Variants in WDR72 observed in about 807,000 individuals in gnomAD.
The protein encoded by WDR72 is WD repeat domain 72, also known as WD repeat-containing protein 72.
A neutral mutation model predicts 124.2 loss-of-function variants in WDR72; 120 were observed. That is an observed-to-expected ratio of 0.97 (90% CI 0.83 to 1.12). WDR72 has a LOEUF of 1.12. Among genes scored for constraint, WDR72 ranks in the 50% most tolerant of loss-of-function variants. The probability of loss-of-function intolerance (pLI) is 0.00; values close to 1 mark genes in which losing one functional copy is unlikely to be tolerated. For missense variants in WDR72, 1,387 were observed against 1,278.8 expected, an observed-to-expected ratio of 1.08 and a Z score of -1.29; for synonymous variants, 452 against 441.7, an observed-to-expected ratio of 1.02 and a Z score of -0.29.
intron 12 of WDR72, among the ~76,000 whole-genome samples, chr15:53,701,559 T>TCTCTCTCTCTCA (rs369568228): frequency 0.044 from 5,291 of 120,058 alleles, 190 homozygotes; most frequent in East Asian, 0.085. Flanking sequence ...TCTCTCTCTC[T>TCTCTCTCTCTCA]CACACACACA....
chr15:53,571,620 T>C (rs904013166), intron 18 of WDR72, among the ~76,000 whole-genome samples: 1 of 152,142 alleles, frequency 6.6e-6, no homozygotes, highest in African/African-American at 2.4e-5. Context: ...CATCCATTGA[T>C]GGACACTTAG....
chr15:53,720,233 T>C (rs1027641490), intron 3 of WDR72, among the ~76,000 whole-genome samples: 27 of 152,172 alleles, frequency 1.8e-4, no homozygotes, highest in African/African-American at 6.3e-4. Context: ...CGTAAACATA[T>C]AAATATAGCT....
At chr15:53,633,754 GAATT>G (rs1260529145) in intron 14 of WDR72, among the ~76,000 whole-genome samples, 2 of 152,170 alleles carry the variant, frequency 1.3e-5, no homozygotes, top group African/African-American at 4.8e-5. Flanking sequence ...AAATAAAACA[GAATT>G]AATAACTTTG....
intron 18 of WDR72, among the ~76,000 whole-genome samples, chr15:53,588,380 T>G (rs2012328658): frequency 6.6e-6 from 1 of 152,002 alleles, no homozygotes; most frequent in Non-Finnish European, 1.5e-5. Flanking sequence ...ATATACAGTA[T>G]TTTAGAAGGT....
At chr15:53,671,524 C>T (rs1256355012) in intron 13 of WDR72, among the ~76,000 whole-genome samples, 2 of 152,044 alleles carry the variant, frequency 1.3e-5, no homozygotes, top group Admixed American at 1.3e-4. Flanking sequence ...AAATATTCAC[C>T]GAAGAAATTG....
At chr15:53,755,815 G>A (rs1567066204) in intron 1 of WDR72, among the ~76,000 whole-genome samples, 1 of 152,208 alleles carries the variant, frequency 6.6e-6, no homozygotes, top group Non-Finnish European at 1.5e-5. Flanking sequence ...TTTCTCCAAG[G>A]AAGTCCAATT....
intron 18 of WDR72, among the ~76,000 whole-genome samples, chr15:53,589,907 C>A (rs1301688546): frequency 1.3e-5 from 2 of 151,874 alleles, no homozygotes; most frequent in African/African-American, 2.4e-5. Flanking sequence ...TAAGATGATA[C>A]AGAGAGGGCA....
At chr15:53,717,034 T>C (rs475377) in intron 3 of WDR72, among the ~76,000 whole-genome samples, 63,490 of 151,900 alleles carry the variant, frequency 0.42, 13,951 homozygotes, top group Middle Eastern at 0.61. Flanking sequence ...GAACTTAAAC[T>C]ACATATTCTG....
Position 53,517,331 on chromosome 15 carries a change from ATTGT to A in WDR72, c.*364_*367del. On this transcript the variant is annotated 3_prime_UTR_variant, in exon 20 of 20. Transcript: ENST00000360509. Reference sequence around the variant, plus strand: ...TATTGTGTACTACATTGGTTTTAACATTGTTTATTATATAATTCAGGGACTAAAA... The same window carrying A: ...TATTGTGTACTACATTGGTTTTAACATTATTATATAATTCAGGGACTAAAA... The A allele has an allele frequency of 3.7e-6, 1 of 267,420 alleles. No homozygotes were observed. The highest frequency in any genetic ancestry group is 7.3e-6 in the Non-Finnish European group (1 of 136,686). The allele number at this position is 267,420 out of a possible 1,614,324, so 16.6% of individuals were successfully genotyped here.
chr15:53,533,475 T>A, intron 18 of WDR72, among the ~76,000 whole-genome samples: 1 of 152,136 alleles, frequency 6.6e-6, no homozygotes, highest in Non-Finnish European at 1.5e-5. Flanking sequence ...ATTCTTTAAA[T>A]TAAGACAAGT....
chr15:53,650,679 G>T (rs569648815), intron 14 of WDR72, among the ~76,000 whole-genome samples: 2 of 152,194 alleles, frequency 1.3e-5, no homozygotes, highest in African/African-American at 4.8e-5. Flanking sequence ...GCATACCACA[G>T]ACAGGGTTAG....
At chr15:53,591,801 T>C (rs1046582566) in intron 18 of WDR72, among the ~76,000 whole-genome samples, 3 of 147,264 alleles carry the variant, frequency 2.0e-5, no homozygotes, top group African/African-American at 7.3e-5. Context: ...CAAGCTTGCA[T>C]TATTCTTATT....
At chr15:53,627,755 A>C (rs1336476501) in intron 14 of WDR72, among the ~76,000 whole-genome samples, 1 of 152,208 alleles carries the variant, frequency 6.6e-6, no homozygotes, top group East Asian at 1.9e-4. Flanking sequence ...TTAGAAAAAA[A>C]ACACACAAAA....
At chr15:53,613,562 A>G (rs902729941) in intron 16 of WDR72, 104 bp downstream of exon 16, 14 of 777,138 alleles carry the variant, frequency 1.8e-5, no homozygotes, top group Non-Finnish European at 2.9e-5. Flanking sequence ...TATGTTTTAT[A>G]TATGTTATTT....
chr15:53,570,479 G>GA (rs1850541235), intron 18 of WDR72, among the ~76,000 whole-genome samples: 1 of 151,936 alleles, frequency 6.6e-6, no homozygotes, highest in Admixed American at 6.6e-5. Flanking sequence ...CAATAAACAT[G>GA]AAAAAATGCT....
At position 53,615,896 on chromosome 15, in the gene WDR72, C is replaced by T; in HGVS notation, c.2310G>A (p.Lys770=). The change falls in exon 15 of 20, where the codon AAG becomes AAA. Residue 770 remains lysine (K), a synonymous_variant. Transcript: ENST00000360509. The stretch of plus-strand genomic sequence containing the variant: ...GCATTTTTTTGGAGATCTTCATTTT[C>T]TTCTGCCTTTTAATGCCATCATTTT... ...SEENDGIKRQ[K]KMKISKKMQP... 6.2e-7 allele frequency: 1 copy of T among 1,613,496 alleles called. No homozygotes were observed. Among genetic ancestry groups the T allele is most frequent in the Non-Finnish European group, 8.5e-7 (1 of 1,179,648 alleles).
chr15:53,553,418 G>A (rs1331177126), intron 18 of WDR72, among the ~76,000 whole-genome samples: 1 of 152,082 alleles, frequency 6.6e-6, no homozygotes, highest in Admixed American at 6.5e-5. Context: ...TATGTAGCAC[G>A]GGGAGAACAA....
At chr15:53,666,511 C>G (rs931529601) in intron 13 of WDR72, among the ~76,000 whole-genome samples, 1 of 152,058 alleles carries the variant, frequency 6.6e-6, no homozygotes, top group African/African-American at 2.4e-5. Flanking sequence ...AGTGAAATAT[C>G]AATAAATACG....
intron 13 of WDR72, among the ~76,000 whole-genome samples, chr15:53,675,528 G>T (rs189230970): frequency 6.6e-6 from 1 of 152,088 alleles, no homozygotes; most frequent in Admixed American, 6.5e-5. Flanking sequence ...AAATTATACT[G>T]CTACTGAGTA....
Sources: gnomAD v4.1 joint callset for allele counts (sites outside exome capture counted in the v4.1 genomes callset) on GRCh38, gnomAD v4.1.1 for gene constraint, MANE v1.5 for transcripts, NCBI Gene and HGNC (gene_info 2026-07-23, HGNC 2026-07-21) for gene names.